Variants in LIN7A observed in about 807,000 individuals in gnomAD.
LIN7A encodes protein lin-7 homolog A.
LIN7A carries 25 observed loss-of-function variants against 29.8 expected under a neutral mutation model. The observed-to-expected ratio is 0.84, with a 90% CI of 0.61 to 1.17. LIN7A has a LOEUF of 1.17. LIN7A is among the 50% of genes most tolerant of loss of function. The pLI, the probability that LIN7A is intolerant of heterozygous loss-of-function variation, is 0.00. For missense variants in LIN7A, 239 were observed against 287.0 expected (o/e 0.83, Z 1.21); for synonymous variants, 118 against 107.5 (o/e 1.10, Z -0.60).
Position 80,796,893 on chromosome 12 carries a change from A to G in LIN7A, c.*834T>C, listed in dbSNP as rs1452158273. 2 of 152,156 alleles carry G rather than the reference A, an allele frequency of 1.3e-5. No individual in the cohort carries two copies. Among genetic ancestry groups the G allele is most frequent in the African/African-American group, 4.8e-5 (2 of 41,442 alleles). The allele number at this position is 152,156 out of a possible 1,614,324, so 9.4% of individuals were successfully genotyped here. A position where few individuals can be genotyped will look rare whatever the true frequency, so the allele number is the denominator to read the frequency against. ...TGTTCACAGGGCTAGGTCCTTTGCT[A>G]GTATTCTCTTACTAGATTCTTAATA... On this transcript the variant is annotated 3_prime_UTR_variant, in exon 6 of 6. Coordinates refer to ENST00000552864, the MANE Select transcript of LIN7A (RefSeq NM_004664.4).
At chr12:80,846,123 G>T (rs919422830) in intron 3 of LIN7A, among the ~76,000 whole-genome samples, 184 bp from the exon 4 acceptor site, 17 of 152,074 alleles carry the variant, frequency 1.1e-4, no homozygotes, top group Admixed American at 3.3e-4. Context: ...TTCTTTCTTT[G>T]GTAAAGTCCC....
At chr12:80,932,930 T>C (rs1365645072) in intron 1 of LIN7A, among the ~76,000 whole-genome samples, 1 of 152,222 alleles carries the variant, frequency 6.6e-6, no homozygotes, top group African/African-American at 2.4e-5. Flanking sequence ...AACTAACCTC[T>C]GATGTAGAGA....
At chr12:80,930,261 C>T (rs1419702679) in intron 1 of LIN7A, among the ~76,000 whole-genome samples, 1 of 152,022 alleles carries the variant, frequency 6.6e-6, no homozygotes, top group East Asian at 1.9e-4. Context: ...TTCAATCCCT[C>T]ATGATTTTTT....
intron 2 of LIN7A, among the ~76,000 whole-genome samples, chr12:80,853,202 C>T (rs369305584): frequency 2.2e-4 from 33 of 152,124 alleles, no homozygotes; most frequent in African/African-American, 8.0e-4. Context: ...TTATATAGAA[C>T]TATGCTATCT....
At chr12:80,884,178 G>A (rs1449295255) in intron 2 of LIN7A, among the ~76,000 whole-genome samples, 1 of 152,100 alleles carries the variant, frequency 6.6e-6, no homozygotes, top group Non-Finnish European at 1.5e-5. Flanking sequence ...TTTCATATAA[G>A]TTTTCAAAGA....
chr12:80,869,037 G>T (rs1874286634), intron 2 of LIN7A, among the ~76,000 whole-genome samples: 1 of 152,042 alleles, frequency 6.6e-6, no homozygotes, highest in African/African-American at 2.4e-5. Context: ...CCAGCAAGAA[G>T]TTGCAAAGTG....
intron 1 of LIN7A, among the ~76,000 whole-genome samples, chr12:80,911,817 T>C (rs1374154656): frequency 6.6e-6 from 1 of 152,198 alleles, no homozygotes. Context: ...ATTTTTTTAA[T>C]GCAAGACAAA....
intron 1 of LIN7A, chr12:80,937,279 T>A (rs896784987): frequency 4.0e-5 from 9 of 223,814 alleles, no homozygotes; most frequent in Non-Finnish European, 6.9e-5. Context: ...GCGAGCTTGC[T>A]CTCTGCCCCT....
At chr12:80,915,280 C>T (rs1876976335) in intron 1 of LIN7A, among the ~76,000 whole-genome samples, 1 of 151,980 alleles carries the variant, frequency 6.6e-6, no homozygotes, top group Non-Finnish European at 1.5e-5. Flanking sequence ...CTCATCATCA[C>T]TAATCATCAG....
At chr12:80,920,627 C>T (rs1877253749) in intron 1 of LIN7A, among the ~76,000 whole-genome samples, 1 of 152,152 alleles carries the variant, frequency 6.6e-6, no homozygotes, top group Non-Finnish European at 1.5e-5. Flanking sequence ...GATTAGAGCT[C>T]CATCACATTT....
In LIN7A at chr12:80,870,609, C is replaced by T. The variant is rs923036217; in HGVS notation, c.201+18642G>A. Among the ~76,000 whole-genome samples, 5 of 152,110 alleles carry T rather than the reference C, an allele frequency of 3.3e-5. No homozygotes were observed. In the South Asian group the frequency reaches 6.2e-4, roughly 19 times the overall value. ...CAAAGATACACTAAATCATAACTTC[C>T]ATCACAAATACCTTCTATATGTTTG... On this transcript the variant is annotated intron_variant, in intron 2 of 5. Coordinates refer to ENST00000552864, the MANE Select transcript of LIN7A (RefSeq NM_004664.4).
intron 4 of LIN7A, among the ~76,000 whole-genome samples, chr12:80,844,148 G>T (rs1372391861): frequency 6.6e-6 from 1 of 152,046 alleles, no homozygotes; most frequent in African/African-American, 2.4e-5. Flanking sequence ...TGACGCAATT[G>T]TGTGACCTAG....
In LIN7A at chr12:80,882,287, C is replaced by CTTTTTTTTTTTTTTTT. The variant is rs56000415; in HGVS notation, c.201+6963_201+6964insAAAAAAAAAAAAAAAA. Among the ~76,000 whole-genome samples the CTTTTTTTTTTTTTTTT allele has an allele frequency of 9.1e-5, 8 of 87,696 alleles. 1 individual carries two copies. Among genetic ancestry groups the CTTTTTTTTTTTTTTTT allele is most frequent in the South Asian group, 3.6e-4 (1 of 2,776 alleles). 57.5% of individuals were successfully genotyped at this position (87,696 alleles called of 152,430 possible). On this transcript the variant is annotated intron_variant, in intron 2 of 5. Coordinates refer to ENST00000552864, the MANE Select transcript of LIN7A (RefSeq NM_004664.4). ...ACAGTACTATCATTTTTCTTTCATT[C>CTTTTTTTTTTTTTTTT]TTTTTTTTTTTTTTTGAGACGGAGT...
Position 80,794,397 on chromosome 12 carries a change from T to G in LIN7A, c.*3330A>C, listed in dbSNP as rs1412423521. ...TCTAAGTTGTCTAAAGCTGGTCTTA[T>G]GAACAGGCTGTGTCTGTATGATAAA... On this transcript the variant is annotated 3_prime_UTR_variant, in exon 6 of 6. Transcript: ENST00000552864. 1 of 152,182 alleles carries G rather than the reference T, an allele frequency of 6.6e-6. No homozygotes were observed. Among genetic ancestry groups the G allele is most frequent in the South Asian group, 2.1e-4 (1 of 4,836 alleles). The allele number at this position is 152,182 out of a possible 1,614,324, so 9.4% of individuals were successfully genotyped here.
intron 2 of LIN7A, among the ~76,000 whole-genome samples, chr12:80,862,189 G>A (rs1439499900): frequency 6.6e-6 from 1 of 152,124 alleles, no homozygotes; most frequent in Non-Finnish European, 1.5e-5. Context: ...GTCACAATTT[G>A]GTAATCTGTA....
intron 5 of LIN7A, among the ~76,000 whole-genome samples, chr12:80,810,437 G>A (rs1871233802): frequency 1.5e-5 from 2 of 135,586 alleles, no homozygotes; most frequent in South Asian, 4.8e-4. Context: ...GTGTGTGTGT[G>A]TAGGTAGATA....
At chr12:80,916,650 A>G (rs536181742) in intron 1 of LIN7A, among the ~76,000 whole-genome samples, 1 of 152,294 alleles carries the variant, frequency 6.6e-6, no homozygotes, top group African/African-American at 2.4e-5. Context: ...TGGGCCCTCA[A>G]TAAGAATTTG....
rs929030094 is a variant in LIN7A at position 80,794,261 on chromosome 12, G to A, written c.*3466C>T. The A allele has an allele frequency of 3.9e-5, 6 of 152,136 alleles. No homozygotes were observed. In the East Asian group the frequency reaches 9.6e-4, roughly 24 times the overall value. The allele number at this position is 152,136 out of a possible 1,614,324, so 9.4% of individuals were successfully genotyped here. A position where few individuals can be genotyped will look rare whatever the true frequency, so the allele number is the denominator to read the frequency against. On this transcript the variant is annotated 3_prime_UTR_variant, in exon 6 of 6. Transcript: ENST00000552864. ...CCAGGCAGTGGTCAAGGCAGTCACA[G>A]CCCTTTCTCTATAGTTTTCCAGCTA...
At chr12:80,847,672 G>A (rs773776584) in intron 3 of LIN7A, among the ~76,000 whole-genome samples, 2 of 151,934 alleles carry the variant, frequency 1.3e-5, no homozygotes, top group Non-Finnish European at 2.9e-5. Context: ...TGATGTTATC[G>A]GTATAACATT....
Sources: gnomAD v4.1 joint callset for allele counts (sites outside exome capture counted in the v4.1 genomes callset) on GRCh38, gnomAD v4.1.1 for gene constraint, MANE v1.5 for transcripts, NCBI Gene and HGNC (gene_info 2026-07-23, HGNC 2026-07-21) for gene names.